Variants in SNTG1 observed in about 807,000 individuals in gnomAD.
SNTG1 encodes the protein gamma-1-syntrophin.
Under a neutral mutation model 74.7 loss-of-function variants are expected in SNTG1, and 39 were observed. That is an observed-to-expected ratio of 0.52 (90% CI 0.40 to 0.68). SNTG1 has a LOEUF of 0.68. SNTG1 is among the 30% of genes least tolerant of loss of function. The pLI, the probability that SNTG1 is intolerant of heterozygous loss-of-function variation, is 0.00. For synonymous variants in SNTG1, 254 were observed against 217.1 expected (o/e 1.17, Z -1.49); for missense variants, 685 against 609.5 (o/e 1.12, Z -1.30).
chr8:50,055,640 T>C (rs1819959684), intron 1 of SNTG1, among the ~76,000 whole-genome samples: 1 of 152,038 alleles, frequency 6.6e-6, no homozygotes, highest in African/African-American at 2.4e-5. Flanking sequence ...TAAAAAGAAA[T>C]GTTGTCTGTA....
intron 2 of SNTG1, 95 bp from the exon 3 acceptor site, chr8:50,394,117 C>T: frequency 2.2e-6 from 2 of 921,254 alleles, no homozygotes; most frequent in African/African-American, 1.7e-5. Context: ...ACAGTTTTCC[C>T]ACAAGTTCTG....
At chr8:50,586,876 T>C (rs918992532) in intron 12 of SNTG1, among the ~76,000 whole-genome samples, 1 of 152,088 alleles carries the variant, frequency 6.6e-6, no homozygotes, top group African/African-American at 2.4e-5. Context: ...AAACTAATTT[T>C]ATTTTCTAAT....
At chr8:50,671,120 G>T (rs1304245101) in intron 15 of SNTG1, among the ~76,000 whole-genome samples, 1 of 151,836 alleles carries the variant, frequency 6.6e-6, no homozygotes, top group African/African-American at 2.4e-5. Flanking sequence ...TACCATTCAG[G>T]ACATAGACAT....
intron 8 of SNTG1, among the ~76,000 whole-genome samples, chr8:50,453,182 G>C (rs774706420): frequency 2.1e-4 from 32 of 152,146 alleles, no homozygotes; most frequent in Non-Finnish European, 3.4e-4. Context: ...GGAGTTATCA[G>C]GTTTGATTTA....
intron 4 of SNTG1, among the ~76,000 whole-genome samples, chr8:50,415,494 T>C (rs2093002853): frequency 6.6e-6 from 1 of 152,136 alleles, no homozygotes; most frequent in Admixed American, 6.6e-5. Flanking sequence ...GGAGTAAGAT[T>C]TTTGGTTAAA....
At chr8:50,386,575 G>A (rs1233593063) in intron 2 of SNTG1, among the ~76,000 whole-genome samples, 1 of 152,030 alleles carries the variant, frequency 6.6e-6, no homozygotes, top group African/African-American at 2.4e-5. Context: ...ATAAAGAAAA[G>A]GGGCTTACTT....
In SNTG1 at chr8:50,025,213, C is replaced by G. The variant is rs1337062851; in HGVS notation, c.-103+112982C>G. 5.9e-5 allele frequency among the ~76,000 whole-genome samples: 9 copies of G among 152,226 alleles called. 1 individual carries two copies. The East Asian group carries it at 1.7e-3, about 29-fold the overall frequency. On this transcript the variant is annotated intron_variant, in intron 1 of 18. Coordinates refer to ENST00000642720, the MANE Select transcript of SNTG1 (RefSeq NM_018967.5). ...TAAAAACGTTAACTCTGGAACTTCT[C>G]TGGCACAAAATACCATATAATTTCA...
intron 1 of SNTG1, among the ~76,000 whole-genome samples, chr8:50,032,799 T>C (rs1239618077): frequency 6.6e-6 from 1 of 152,198 alleles, no homozygotes; most frequent in African/African-American, 2.4e-5. Context: ...TATATTTTTT[T>C]TCATGTTGCT....
chr8:50,224,038 C>T (rs2085202561), intron 2 of SNTG1, among the ~76,000 whole-genome samples: 1 of 151,876 alleles, frequency 6.6e-6, no homozygotes, highest in South Asian at 2.1e-4. Context: ...CACTTTTATA[C>T]AGCAGCATTA....
intron 8 of SNTG1, among the ~76,000 whole-genome samples, chr8:50,482,468 A>G (rs2093748841): frequency 1.3e-5 from 2 of 152,142 alleles, no homozygotes; most frequent in Non-Finnish European, 1.5e-5. Flanking sequence ...GTCTCATTTG[A>G]AAGTATTACA....
At chr8:50,499,027 A>G (rs1178630319) in intron 8 of SNTG1, among the ~76,000 whole-genome samples, 1 of 151,676 alleles carries the variant, frequency 6.6e-6, no homozygotes, top group African/African-American at 2.4e-5. Flanking sequence ...GTTTCTTTAT[A>G]TCTCTTAAAA....
intron 12 of SNTG1, among the ~76,000 whole-genome samples, chr8:50,585,704 CTG>C (rs1563612830): frequency 2.0e-5 from 3 of 151,832 alleles, no homozygotes; most frequent in African/African-American, 7.3e-5. Context: ...TAATATTTGA[CTG>C]TATATAATAT....
intron 1 of SNTG1, among the ~76,000 whole-genome samples, chr8:49,987,548 T>C (rs993238683): frequency 3.3e-5 from 5 of 152,086 alleles, no homozygotes; most frequent in Non-Finnish European, 7.4e-5. Flanking sequence ...TTTTTGAATA[T>C]AGTTGTGAAA....
intron 1 of SNTG1, among the ~76,000 whole-genome samples, chr8:49,923,678 A>G (rs114714150): frequency 6.6e-6 from 1 of 152,170 alleles, no homozygotes; most frequent in East Asian, 1.9e-4. Flanking sequence ...ATGGAATTTA[A>G]ACAACTGGAA....
intron 18 of SNTG1, among the ~76,000 whole-genome samples, chr8:50,756,138 A>C (rs1295718975): frequency 6.6e-6 from 1 of 151,818 alleles, no homozygotes; most frequent in African/African-American, 2.4e-5. Context: ...AGTTCTTTGC[A>C]TATTTTCCTT....
chr8:50,368,224 G>A (rs943393426), intron 2 of SNTG1, among the ~76,000 whole-genome samples: 2 of 152,122 alleles, frequency 1.3e-5, no homozygotes, highest in Non-Finnish European at 2.9e-5. Flanking sequence ...TTGTTATATA[G>A]TGGCAAATAT....
At chr8:50,737,535 G>A (rs567407408) in intron 17 of SNTG1, among the ~76,000 whole-genome samples, 4 of 152,198 alleles carry the variant, frequency 2.6e-5, no homozygotes, top group South Asian at 4.1e-4. Flanking sequence ...TAGCAAGAGA[G>A]GGACTCCTCC....
At chr8:50,330,236 G>T (rs1459836067) in intron 2 of SNTG1, among the ~76,000 whole-genome samples, 1 of 152,094 alleles carries the variant, frequency 6.6e-6, no homozygotes, top group Non-Finnish European at 1.5e-5. Context: ...CCTTTTGCTT[G>T]GCACTTCTCC....
At chr8:50,692,757 A>G (rs2095387204) in intron 15 of SNTG1, among the ~76,000 whole-genome samples, 1 of 152,180 alleles carries the variant, frequency 6.6e-6, no homozygotes, top group African/African-American at 2.4e-5. Context: ...TTCTGGGAGA[A>G]CAACTACTCT....
Sources: allele counts gnomAD v4.1 joint callset (sites outside exome capture counted in the v4.1 genomes callset), GRCh38; gene constraint gnomAD v4.1.1; transcripts MANE v1.5; gene names NCBI Gene and HGNC (gene_info 2026-07-23, HGNC 2026-07-21).